The following KCNH8 variants were observed in gnomAD, a reference collection of about 807,000 sequenced individuals.
KCNH8 encodes voltage-gated delayed rectifier potassium channel KCNH8.
Under a neutral mutation model 103.6 loss-of-function variants are expected in KCNH8, and 70 were observed. The observed-to-expected ratio is 0.68, with a 90% CI of 0.56 to 0.82. The LOEUF is 0.82. Ranked by LOEUF, KCNH8 falls within the 40% of genes least tolerant of loss-of-function variation. The pLI, the probability that KCNH8 is intolerant of heterozygous loss-of-function variation, is 0.00. For missense variants in KCNH8, 1,217 were observed against 1,329.9 expected, an observed-to-expected ratio of 0.92 and a Z score of 1.32; for synonymous variants, 498 against 489.4, an observed-to-expected ratio of 1.02 and a Z score of -0.23.
intron 1 of KCNH8, among the ~76,000 whole-genome samples, chr3:19,229,675 C>A (rs904597427): frequency 6.6e-6 from 1 of 152,338 alleles, no homozygotes; most frequent in South Asian, 2.1e-4. Context: ...AGACATTTTC[C>A]CCTCCTCATC....
intron 11 of KCNH8, among the ~76,000 whole-genome samples, chr3:19,502,643 C>T (rs1398685289): frequency 2.0e-5 from 3 of 152,048 alleles, no homozygotes; most frequent in Admixed American, 1.3e-4. Context: ...ACTATCTGAT[C>T]TTTGACAAAC....
intron 1 of KCNH8, among the ~76,000 whole-genome samples, chr3:19,155,792 C>T (rs1189611574): frequency 1.3e-5 from 2 of 152,222 alleles, no homozygotes; most frequent in Non-Finnish European, 2.9e-5. Flanking sequence ...TTCCCCTATA[C>T]TTCCACATGG....
rs1245349072 is a variant in KCNH8, at chr3:19,443,958, A to C, written c.1375+5597A>C. On this transcript the variant is annotated intron_variant, in intron 8 of 15. Transcript: ENST00000328405. ...CGTTGCAAAAATATCAGTTGTATTC[A>C]AAGTAACCTAAAGACTCAATGCAAT... 4.6e-5 allele frequency among the ~76,000 whole-genome samples: 7 copies of C among 152,058 alleles called. No individual in the cohort carries two copies. In the East Asian group the frequency reaches 1.3e-3, roughly 29 times the overall value.
At chr3:19,516,452 A>T (rs1279995890) in intron 14 of KCNH8, among the ~76,000 whole-genome samples, 1 of 152,064 alleles carries the variant, frequency 6.6e-6, no homozygotes, top group African/African-American at 2.4e-5. Context: ...TGATTTATTG[A>T]TTTAACTGAC....
intron 1 of KCNH8, among the ~76,000 whole-genome samples, chr3:19,157,523 A>T (rs1476871934): frequency 6.6e-6 from 1 of 152,000 alleles, no homozygotes; most frequent in African/African-American, 2.4e-5. Context: ...GCTGTACAGT[A>T]CTCATATTAT....
chr3:19,310,868 A>G (rs886097084), intron 3 of KCNH8, among the ~76,000 whole-genome samples: 1 of 151,904 alleles, frequency 6.6e-6, no homozygotes, highest in Non-Finnish European at 1.5e-5. Flanking sequence ...ATACTTCAGG[A>G]TCACAGCCTG....
At chr3:19,528,168 ATT>A (rs1559372685) in intron 15 of KCNH8, among the ~76,000 whole-genome samples, 1 of 152,090 alleles carries the variant, frequency 6.6e-6, no homozygotes, top group Non-Finnish European at 1.5e-5. Flanking sequence ...AAGAATGTAT[ATT>A]GTTATGTTTC....
intron 1 of KCNH8, among the ~76,000 whole-genome samples, chr3:19,157,949 T>C (rs1306082140): frequency 6.6e-6 from 1 of 151,810 alleles, no homozygotes; most frequent in African/African-American, 2.4e-5. Context: ...ATTTCCCTGT[T>C]ATGATATCTA....
intron 7 of KCNH8, among the ~76,000 whole-genome samples, chr3:19,429,798 C>T (rs568917046): frequency 6.7e-4 from 101 of 150,984 alleles, no homozygotes; most frequent in African/African-American, 2.3e-3. Context: ...CATTTAGCTC[C>T]CAGTTGTGAG....
intron 1 of KCNH8, among the ~76,000 whole-genome samples, chr3:19,250,272 A>C (rs1239307989): frequency 6.6e-6 from 1 of 152,146 alleles, no homozygotes; most frequent in African/African-American, 2.4e-5. Context: ...AATAGAAAAG[A>C]CAAAATGACA....
chr3:19,395,875 T>G (rs992323533), intron 7 of KCNH8, among the ~76,000 whole-genome samples: 22 of 151,994 alleles, frequency 1.4e-4, no homozygotes, highest in Non-Finnish European at 2.6e-4. Flanking sequence ...TAATTTATAG[T>G]TTTGAGTCCC....
chr3:19,500,791 G>A (rs1263675667), intron 11 of KCNH8, among the ~76,000 whole-genome samples: 1 of 151,902 alleles, frequency 6.6e-6, no homozygotes, highest in Admixed American at 6.6e-5. Context: ...GTGTGTAGAG[G>A]GAAATTTATA....
At chr3:19,175,988 A>T (rs1374093588) in intron 1 of KCNH8, among the ~76,000 whole-genome samples, 1 of 152,208 alleles carries the variant, frequency 6.6e-6, no homozygotes, top group Non-Finnish European at 1.5e-5. Flanking sequence ...GGATCAATTT[A>T]GCTACGTTAG....
chr3:19,533,592 A>G lies in KCNH8; in HGVS notation c.2817A>G (p.Thr939=), dbSNP rs755123074. The change falls in exon 16 of 16, where the codon ACA becomes ACG. Residue 939 remains threonine (T), a synonymous_variant. Transcript: ENST00000328405. The part of the protein sequence containing the change: ...SAHQPCLHLQ[T]GGAAYTQAQL... ...ACCAGCCTTGCCTACACTTGCAAACAGGCGGGGCTGCTTATACCCAAGCAC... is the reference window on the plus strand; with the variant it reads ...ACCAGCCTTGCCTACACTTGCAAACGGGCGGGGCTGCTTATACCCAAGCAC... The G allele has an allele frequency of 1.2e-6, 2 of 1,614,194 alleles. No individual in the cohort carries two copies. The highest frequency in any genetic ancestry group is 3.3e-5 in the Admixed American group (2 of 60,032).
At chr3:19,374,987 A>T (rs1316934668) in intron 5 of KCNH8, among the ~76,000 whole-genome samples, 1 of 151,848 alleles carries the variant, frequency 6.6e-6, no homozygotes, top group Non-Finnish European at 1.5e-5. Flanking sequence ...TGTTAGTCTG[A>T]TGGGCTTCCC....
intron 3 of KCNH8, among the ~76,000 whole-genome samples, chr3:19,319,005 G>GTTTA (rs780091643): frequency 1.3e-5 from 2 of 151,284 alleles, no homozygotes; most frequent in South Asian, 2.1e-4. Flanking sequence ...GGGATTATTT[G>GTTTA]TTTATTTATT....
intron 11 of KCNH8, among the ~76,000 whole-genome samples, chr3:19,487,383 G>A (rs1004042461): frequency 3.9e-5 from 6 of 152,182 alleles, no homozygotes; most frequent in African/African-American, 1.4e-4. Flanking sequence ...TCCTGCACTG[G>A]CCGGTAGTCC....
intron 7 of KCNH8, among the ~76,000 whole-genome samples, chr3:19,410,875 A>G (rs1378272944): frequency 6.7e-6 from 1 of 148,596 alleles, no homozygotes; most frequent in Non-Finnish European, 1.5e-5. Context: ...AAAGCCTACC[A>G]AGCAAAAAAA....
Position 19,490,236 on chromosome 3 carries a change from G to C in KCNH8, c.2041-20127G>C, listed in dbSNP as rs550065048. ...CCTGGTCAGGAAACCACGAAATGTAGCAGGATGAGCTGCAGACAAGAACCG... is the reference window on the plus strand; with the variant it reads ...CCTGGTCAGGAAACCACGAAATGTACCAGGATGAGCTGCAGACAAGAACCG... On this transcript the variant is annotated intron_variant, in intron 11 of 15. Coordinates refer to ENST00000328405, the MANE Select transcript of KCNH8 (RefSeq NM_144633.3). 3.3e-5 allele frequency among the ~76,000 whole-genome samples: 5 copies of C among 152,338 alleles called. No individual in the cohort carries two copies. In the East Asian group the frequency reaches 7.7e-4, roughly 24 times the overall value.
Sources: allele counts gnomAD v4.1 joint callset (sites outside exome capture counted in the v4.1 genomes callset), GRCh38; gene constraint gnomAD v4.1.1; transcripts MANE v1.5; gene names NCBI Gene and HGNC (gene_info 2026-07-23, HGNC 2026-07-21).